TRAPPC10: variants seen among roughly 807,000 people sequenced by gnomAD.
TRAPPC10 encodes trafficking protein particle complex subunit 10, also known as TRAPP 130 kDa subunit.
Under a neutral mutation model 125.5 loss-of-function variants are expected in TRAPPC10, and 23 were observed. That is an observed-to-expected ratio of 0.18 (90% CI 0.13 to 0.26). The LOEUF (loss-of-function observed/expected upper bound fraction) is 0.26, where lower values mean the gene tolerates loss of function less well. Among genes scored for constraint, TRAPPC10 ranks in the 10% least tolerant of loss-of-function variants. TRAPPC10 has a pLI of 1.00. For synonymous variants in TRAPPC10, 509 were observed against 518.0 expected, an observed-to-expected ratio of 0.98 and a Z score of 0.24; for missense variants, 1,123 against 1,308.4, an observed-to-expected ratio of 0.86 and a Z score of 2.19.
chr21:44,012,660 T>G, intron 1 of TRAPPC10, 100 bp downstream of exon 1: 1 of 1,118,384 alleles, frequency 8.9e-7, no homozygotes, highest in Non-Finnish European at 1.3e-6. Context: ...CCCGGCGCGC[T>G]CCGGGCTGGG....
At chr21:44,092,702 A>G (rs1274978125) in intron 19 of TRAPPC10, among the ~76,000 whole-genome samples, 1 of 152,212 alleles carries the variant, frequency 6.6e-6, no homozygotes. Context: ...AGCGGTGTTC[A>G]GCCCCTGCAT....
chr21:44,053,036 C>T (rs1343564600), intron 4 of TRAPPC10, among the ~76,000 whole-genome samples: 2 of 151,984 alleles, frequency 1.3e-5, no homozygotes, highest in Non-Finnish European at 2.9e-5. Context: ...CCAGCCAGCA[C>T]GTTAACTCCT....
chr21:44,090,402 G>A (rs1304505708), intron 18 of TRAPPC10, among the ~76,000 whole-genome samples: 1 of 152,238 alleles, frequency 6.6e-6, no homozygotes. Context: ...AGATAACTCT[G>A]TTGTAGGGGC....
At chr21:44,033,316 C>T (rs76041228) in intron 2 of TRAPPC10, among the ~76,000 whole-genome samples, 1 of 151,976 alleles carries the variant, frequency 6.6e-6, no homozygotes, top group African/African-American at 2.4e-5. Flanking sequence ...GTTGACTTAC[C>T]CAGGTGAATA....
intron 1 of TRAPPC10, among the ~76,000 whole-genome samples, chr21:44,016,408 A>T (rs941238061): frequency 2.6e-5 from 4 of 152,186 alleles, no homozygotes; most frequent in Admixed American, 6.5e-5. Flanking sequence ...CATACCTACA[A>T]TAGCACATAC....
chr21:44,024,486 G>A (rs1443000998), intron 1 of TRAPPC10, among the ~76,000 whole-genome samples: 2 of 152,172 alleles, frequency 1.3e-5, no homozygotes. Flanking sequence ...CATAGACTCT[G>A]AATAACACTA....
At chr21:44,084,353 G>T in intron 15 of TRAPPC10, 90 bp downstream of exon 15, 1 of 1,333,310 alleles carries the variant, frequency 7.5e-7, no homozygotes, top group Non-Finnish European at 1.0e-6. Flanking sequence ...ATAAGTTTTA[G>T]CTGTGTCTGC....
At position 44,063,235 on chromosome 21, in the gene TRAPPC10, G is replaced by A; in HGVS notation, c.791-303G>A. The A allele has an allele frequency of 7.9e-7, 1 of 1,262,444 alleles. No homozygotes were observed. The highest frequency in any genetic ancestry group is 1.5e-5 in the African/African-American group (1 of 65,090). The allele number at this position is 1,262,444 out of a possible 1,614,324, so 78.2% of individuals were successfully genotyped here. A position where few individuals can be genotyped will look rare whatever the true frequency, so the allele number is the denominator to read the frequency against. On this transcript the variant is annotated intron_variant, in intron 6 of 22. Transcript: ENST00000291574. This position sits in a 1 kb window ranked among gnomAD's most constrained non-coding sequence, Gnocchi z 4.4. ...GAGCCCTCCCTCGGCCTGAGACAGAGCCTGAGCTCCCCTAACCATGTAGCC... is the reference window on the plus strand; with the variant it reads ...GAGCCCTCCCTCGGCCTGAGACAGAACCTGAGCTCCCCTAACCATGTAGCC...
chr21:44,089,528 A>G, intron 17 of TRAPPC10: 1 of 495,990 alleles, frequency 2.0e-6, no homozygotes, highest in Non-Finnish European at 4.0e-6. Flanking sequence ...CGTGTATGGG[A>G]GCAGCAGGTG....
chr21:44,047,536 GT>G (rs2034928749), intron 3 of TRAPPC10, among the ~76,000 whole-genome samples: 2 of 136,928 alleles, frequency 1.5e-5, no homozygotes, highest in African/African-American at 5.6e-5. Context: ...GGGAGTATGT[GT>G]GTGTGTGTGT....
intron 5 of TRAPPC10, among the ~76,000 whole-genome samples, chr21:44,058,234 G>A (rs1256177233): frequency 6.6e-6 from 1 of 152,188 alleles, no homozygotes; most frequent in Non-Finnish European, 1.5e-5. Flanking sequence ...AGCTGAAGGA[G>A]TTTGGAGAGC....
intron 20 of TRAPPC10, among the ~76,000 whole-genome samples, chr21:44,095,628 A>G (rs2038884671): frequency 6.6e-6 from 1 of 151,616 alleles, no homozygotes; most frequent in Non-Finnish European, 1.5e-5. Context: ...CAGTGGCGCG[A>G]TCTCGGCTCA....
intron 3 of TRAPPC10, among the ~76,000 whole-genome samples, chr21:44,039,125 A>G (rs2034222338): frequency 6.6e-6 from 1 of 152,192 alleles, no homozygotes; most frequent in Non-Finnish European, 1.5e-5. Flanking sequence ...CCTTGCGATC[A>G]GTAATCTAAC....
chr21:44,063,905 C>T lies in TRAPPC10; in HGVS notation c.1038+120C>T. On this transcript the variant is annotated intron_variant, in intron 7 of 22. Transcript: ENST00000291574. This position sits in a 1 kb window ranked among gnomAD's most constrained non-coding sequence, Gnocchi z 4.4. ...AAGAAAGGGTTTTCTTTTCTGAATG[C>T]CTTTAATTTTCAGTATATTGTTTGC... 2 of 1,361,704 alleles carry T rather than the reference C, an allele frequency of 1.5e-6. No homozygotes were observed. The highest frequency in any genetic ancestry group is 4.7e-5 in the Admixed American group (2 of 42,288). The allele number at this position is 1,361,704 out of a possible 1,614,324, so 84.4% of individuals were successfully genotyped here.
intron 1 of TRAPPC10, 93 bp downstream of exon 1, chr21:44,012,653 G>GGC (rs2031255307): frequency 1.0e-5 from 12 of 1,164,474 alleles, no homozygotes; most frequent in Non-Finnish European, 1.4e-5. Context: ...TTCAGCCCCC[G>GGC]GCGCGCTCCG....
chr21:44,062,526 C>G, intron 6 of TRAPPC10: 1 of 984,968 alleles, frequency 1.0e-6, no homozygotes. Flanking sequence ...TGGGAGTGCC[C>G]CGTGAGAATC....
At position 44,014,587 on chromosome 21, in the gene TRAPPC10, G is replaced by GTT. The variant is rs1219684030; in HGVS notation, c.67+2031_67+2032dup. Among the ~76,000 whole-genome samples the GTT allele has an allele frequency of 1.6e-4, 18 of 114,754 alleles. 1 individual carries two copies. The highest frequency in any genetic ancestry group is 5.5e-4 in the South Asian group (2 of 3,620). 75.3% of individuals were successfully genotyped at this position (114,754 alleles called of 152,430 possible). A position where few individuals can be genotyped will look rare whatever the true frequency, so the allele number is the denominator to read the frequency against. On this transcript the variant is annotated intron_variant, in intron 1 of 22. Coordinates refer to ENST00000291574, the MANE Select transcript of TRAPPC10 (RefSeq NM_003274.5). Reference sequence around the variant, plus strand: ...TGCCCGGCTAATTTTTTGTTTGTTTGTTTTTGTTTTTTTTTTTTTTCAGTA... The same window carrying GTT: ...TGCCCGGCTAATTTTTTGTTTGTTTGTTTTTTTGTTTTTTTTTTTTTTCAGTA...
At chr21:44,075,429 T>C (rs938366195) in intron 9 of TRAPPC10, among the ~76,000 whole-genome samples, 1 of 152,150 alleles carries the variant, frequency 6.6e-6, no homozygotes, top group African/African-American at 2.4e-5. Flanking sequence ...CATGTTCAAA[T>C]GCACCACTGT....
intron 7 of TRAPPC10, among the ~76,000 whole-genome samples, chr21:44,073,095 G>A (rs547884279): frequency 1.3e-5 from 2 of 152,050 alleles, no homozygotes; most frequent in South Asian, 2.1e-4. Flanking sequence ...AGTGGCTTCC[G>A]ATTATGCAGT....
Sources: gnomAD v4.1 joint callset for allele counts (sites outside exome capture counted in the v4.1 genomes callset) on GRCh38, gnomAD v4.1.1 for gene constraint, Gnocchi (gnomAD v3.1) non-coding constraint, MANE v1.5 for transcripts, NCBI Gene and HGNC (gene_info 2026-07-23, HGNC 2026-07-21) for gene names.